The following PHLDB2 variants were observed in gnomAD, a reference collection of about 807,000 sequenced individuals.
PHLDB2 encodes the protein pleckstrin homology like domain family B member 2, also known as pleckstrin homology-like domain family B member 2.
In PHLDB2, 71 loss-of-function variants were observed where a neutral mutation model predicts 123.6. The ratio of observed to expected loss-of-function variants is 0.57; its 90% confidence interval spans 0.47 to 0.70. The LOEUF (loss-of-function observed/expected upper bound fraction) is 0.70, where lower values mean the gene tolerates loss of function less well. Among genes scored for constraint, PHLDB2 ranks in the 30% least tolerant of loss-of-function variants. The pLI is 0.00. For synonymous variants in PHLDB2, 547 were observed against 541.6 expected (o/e 1.01, Z -0.14); for missense variants, 1,446 against 1,519.5 (o/e 0.95, Z 0.80).
intron 1 of PHLDB2, among the ~76,000 whole-genome samples, chr3:111,781,991 G>A (rs2060492986): frequency 6.6e-6 from 1 of 151,970 alleles, no homozygotes; most frequent in Non-Finnish European, 1.5e-5. Context: ...TTTGAATTTG[G>A]TCAAGCAAGG....
chr3:111,885,157 G>A lies in PHLDB2; in HGVS notation c.1080G>A (p.Val360=), dbSNP rs749087250. The change falls in exon 2 of 18, where the codon GTG becomes GTA. Residue 360 remains valine, a synonymous_variant. Transcript: ENST00000431670. ...ATGACTTTGATCAGGCTTCATATGT[G>A]GGGACAAACCCGAGTCATTCACTTC... ...ASDDFDQASY[V]GTNPSHSLLA... 13 of 1,613,948 alleles carry A rather than the reference G, an allele frequency of 8.1e-6. No individual in the cohort carries two copies. The highest frequency in any genetic ancestry group is 1.0e-5 in the Non-Finnish European group (12 of 1,180,022).
At chr3:111,815,339 T>G (rs1037143819) in intron 1 of PHLDB2, among the ~76,000 whole-genome samples, 2 of 152,172 alleles carry the variant, frequency 1.3e-5, no homozygotes, top group African/African-American at 4.8e-5. Context: ...TGGAACAGTT[T>G]GGAGGGCTCA....
At chr3:111,892,362 G>C (rs1008654205) in intron 2 of PHLDB2, among the ~76,000 whole-genome samples, 2 of 152,050 alleles carry the variant, frequency 1.3e-5, no homozygotes, top group East Asian at 3.8e-4. Context: ...TAAGAGGCTG[G>C]GACCATACCT....
intron 2 of PHLDB2, among the ~76,000 whole-genome samples, chr3:111,909,243 C>A (rs1033505798): frequency 2.6e-5 from 4 of 152,128 alleles, no homozygotes; most frequent in African/African-American, 9.7e-5. Context: ...CATAGGTGGT[C>A]TATAAACTTC....
intron 5 of PHLDB2, among the ~76,000 whole-genome samples, chr3:111,925,804 C>T (rs1330270316): frequency 6.6e-6 from 1 of 152,150 alleles, no homozygotes; most frequent in African/African-American, 2.4e-5. Flanking sequence ...CATCTGTTTG[C>T]GTAGGTTTTC....
intron 1 of PHLDB2, among the ~76,000 whole-genome samples, chr3:111,870,390 G>A (rs982742893): frequency 1.3e-5 from 2 of 152,140 alleles, no homozygotes; most frequent in African/African-American, 2.4e-5. Flanking sequence ...TATTTGCAGA[G>A]GGGGAGTTGA....
At position 111,973,833 on chromosome 3, in the gene PHLDB2, C is replaced by A; in HGVS notation, c.3621+16C>A. 6.8e-7 allele frequency: 1 copy of A among 1,473,066 alleles called. No homozygotes were observed. Among genetic ancestry groups the A allele is most frequent in the Non-Finnish European group, 9.3e-7 (1 of 1,069,656 alleles). The allele number at this position is 1,473,066 out of a possible 1,614,324, so 91.2% of individuals were successfully genotyped here. A position where few individuals can be genotyped will look rare whatever the true frequency, so the allele number is the denominator to read the frequency against. ...TGCTAATAAGGTAAACATCAGTTTT[C>A]TAAATTCCTACAATTTGAATGCATA... On this transcript the variant is annotated intron_variant, in intron 17 of 17. Transcript: ENST00000431670.
At chr3:111,917,486 T>A (rs1238592147) in intron 3 of PHLDB2, 2 of 152,220 alleles carry the variant, frequency 1.3e-5, no homozygotes, top group Non-Finnish European at 2.9e-5. Context: ...CCTGCTAGGA[T>A]TACTCACAGT....
At chr3:111,758,018 G>T (rs2059926609) in intron 1 of PHLDB2, among the ~76,000 whole-genome samples, 1 of 152,154 alleles carries the variant, frequency 6.6e-6, no homozygotes, top group South Asian at 2.1e-4. Flanking sequence ...CCTACTGGGG[G>T]GTGCCTCCCA....
rs1160076098 is a variant in PHLDB2, at chr3:111,932,302, C to G, written c.2035C>G (p.Leu679Val). Reference protein sequence around the residue: ...KVKLDAEREKLERLQELYSEQ... With the variant: ...KVKLDAEREKVERLQELYSEQ... The stretch of plus-strand genomic sequence containing the variant: ...AAAGCTTGATGCTGAAAGGGAAAAA[C>G]TAGAGAGGCTTCAGGAGCTTTACTC... The change falls in exon 6 of 18, where the codon CTA (leucine) becomes GTA (valine). Residue 679 changes from leucine (L) to valine (V), a missense_variant. Physicochemically the swap from Leu to Val is conservative, Grantham distance 32. This residue lies in a region of PHLDB2 where 832 missense variants were observed against 831.9 expected (regional missense o/e 1.00). Transcript: ENST00000431670. 6.4e-7 allele frequency: 1 copy of G among 1,551,498 alleles called. No individual in the cohort carries two copies.
intron 12 of PHLDB2, chr3:111,958,575 G>T (rs1559922803): frequency 2.7e-6 from 1 of 373,254 alleles, no homozygotes; most frequent in Non-Finnish European, 5.2e-6. Context: ...GCTGTCCCAG[G>T]CAGTGAAGAG....
chr3:111,918,407 A>G (rs1397351708), intron 3 of PHLDB2, among the ~76,000 whole-genome samples: 1 of 152,230 alleles, frequency 6.6e-6, no homozygotes, highest in Non-Finnish European at 1.5e-5. Context: ...TAGGACAAAG[A>G]GAGGAAATAG....
At chr3:111,963,649 C>A (rs1349386073) in intron 13 of PHLDB2, among the ~76,000 whole-genome samples, 1 of 152,122 alleles carries the variant, frequency 6.6e-6, no homozygotes, top group Non-Finnish European at 1.5e-5. Flanking sequence ...TCTGAGTAAT[C>A]CTATCATCCT....
At chr3:111,733,266 T>A (rs1206585946) in intron 1 of PHLDB2, among the ~76,000 whole-genome samples, 4 of 152,192 alleles carry the variant, frequency 2.6e-5, no homozygotes, top group African/African-American at 9.7e-5. Context: ...CAAGCCTATT[T>A]ACCTAAGCTT....
chr3:111,840,868 C>A (rs2063659822), intron 1 of PHLDB2, among the ~76,000 whole-genome samples: 1 of 152,196 alleles, frequency 6.6e-6, no homozygotes, highest in East Asian at 1.9e-4. Flanking sequence ...AAAAGAACTA[C>A]TTTTCTTCTA....
rs905234647 is a variant in PHLDB2, at chr3:111,950,013, AT to A, written c.2631+948del. 2,539 of 574,950 alleles carry A rather than the reference AT, an allele frequency of 4.4e-3. 2 individuals are homozygous for A. The highest frequency in any genetic ancestry group is 4.9e-3 in the Non-Finnish European group (2,252 of 456,390). 35.6% of individuals were successfully genotyped at this position (574,950 alleles called of 1,614,324 possible). A position where few individuals can be genotyped will look rare whatever the true frequency, so the allele number is the denominator to read the frequency against. On this transcript the variant is annotated intron_variant, in intron 10 of 17. Coordinates refer to ENST00000431670, the MANE Select transcript of PHLDB2 (RefSeq NM_001134438.2). The stretch of plus-strand genomic sequence containing the variant: ...AAAAGGCAAGTTGCATACTTCTCTG[AT>A]TTTTTTTTTCCTCTTAAGAACATTT...
At chr3:111,847,773 G>C (rs780402431) in intron 2 of PHLDB2, among the ~76,000 whole-genome samples, 11 of 152,094 alleles carry the variant, frequency 7.2e-5, no homozygotes, top group Admixed American at 2.6e-4. Context: ...TAAAAGTGGG[G>C]AAATACCAGG....
chr3:111,849,737 C>T (rs2064166835), intron 2 of PHLDB2, among the ~76,000 whole-genome samples: 1 of 152,226 alleles, frequency 6.6e-6, no homozygotes, highest in South Asian at 2.1e-4. Flanking sequence ...GTGGAACCAA[C>T]CTAAGTGCCT....
At position 111,910,346 on chromosome 3, in the gene PHLDB2, T is replaced by C. The variant is rs117502512; in HGVS notation, c.1336-2973T>C. ...CTACTTTCTAAATTCTTAGCACTGA[T>C]ATTTTGGAGCATTAAGGTATGTAGG... On this transcript the variant is annotated intron_variant, in intron 2 of 17. Transcript: ENST00000431670. 1.1e-3 allele frequency among the ~76,000 whole-genome samples: 175 copies of C among 152,288 alleles called. 1 individual carries two copies. In the East Asian group the frequency reaches 0.012, roughly 10 times the overall value.
Sources: allele counts gnomAD v4.1 joint callset (sites outside exome capture counted in the v4.1 genomes callset), GRCh38; gene constraint gnomAD v4.1.1; regional missense constraint gnomAD v4.1.1; transcripts MANE v1.5; gene names NCBI Gene and HGNC (gene_info 2026-07-23, HGNC 2026-07-21).